Variants in ADORA2B observed in about 807,000 individuals in gnomAD.
ADORA2B encodes adenosine A2b receptor.
In ADORA2B, 18 loss-of-function variants were observed where a neutral mutation model predicts 20.8. The observed-to-expected ratio is 0.87, with a 90% CI of 0.60 to 1.29. The LOEUF (loss-of-function observed/expected upper bound fraction) is 1.29, where lower values mean the gene tolerates loss of function less well. ADORA2B is among the 50% of genes most tolerant of loss of function. The pLI is 0.00. For missense variants in ADORA2B, 441 were observed against 422.7 expected (o/e 1.04, Z -0.38); for synonymous variants, 179 against 178.3 (o/e 1.00, Z -0.03).
intron 1 of ADORA2B, among the ~76,000 whole-genome samples, chr17:15,964,865 T>C (rs569965593): frequency 6.6e-6 from 1 of 151,812 alleles, no homozygotes; most frequent in Non-Finnish European, 1.5e-5. Context: ...ATCGAGACCA[T>C]CCTGGCTAAC....
At chr17:15,921,161 A>G in the ADORA2B span, among the ~76,000 whole-genome samples, 2 of 144,072 alleles carry the variant, frequency 1.4e-5, no homozygotes, top group East Asian at 3.9e-4. Flanking sequence ...GTCATAGACA[A>G]TGGAAACCTG....
At chr17:15,938,022 A>G in the ADORA2B span, among the ~76,000 whole-genome samples, 1 of 152,116 alleles carries the variant, frequency 6.6e-6, no homozygotes, top group Non-Finnish European at 1.5e-5. Context: ...CTAAGCACAC[A>G]CACTTTTCCA....
At chr17:15,970,873 G>A (rs904742822) in intron 1 of ADORA2B, among the ~76,000 whole-genome samples, 3 of 152,074 alleles carry the variant, frequency 2.0e-5, no homozygotes, top group African/African-American at 7.2e-5. Flanking sequence ...CTACAGCTGA[G>A]GGCATCACAC....
rs370112721 is a variant in ADORA2B at position 15,946,296 on chromosome 17, C to T, written c.335+713C>T. Among the ~76,000 whole-genome samples, 12 of 152,354 alleles carry T rather than the reference C, an allele frequency of 7.9e-5. No homozygotes were observed. The South Asian group carries it at 1.4e-3, about 18-fold the overall frequency. ...CTGCCCTTGTGTAACTATTTATCTC[C>T]TGCTGCCCTGTTGGGAGCGGGCTGA... is the stretch of plus-strand genomic sequence containing the variant. On this transcript the variant is annotated intron_variant, in intron 1 of 1. Coordinates refer to ENST00000304222, the MANE Select transcript of ADORA2B (RefSeq NM_000676.4).
chr17:15,867,907 A>G, the ADORA2B span, among the ~76,000 whole-genome samples: 2 of 152,204 alleles, frequency 1.3e-5, no homozygotes, highest in South Asian at 2.1e-4. Flanking sequence ...CATGATGACA[A>G]TGGCGGTTTT....
the ADORA2B span, among the ~76,000 whole-genome samples, chr17:15,904,635 C>T: frequency 6.6e-6 from 1 of 152,174 alleles, no homozygotes; most frequent in Non-Finnish European, 1.5e-5. Context: ...CTCGGCCTCC[C>T]AAAGTGCTGG....
intron 1 of ADORA2B, among the ~76,000 whole-genome samples, chr17:15,953,024 A>G (rs980715003): frequency 2.0e-5 from 3 of 152,148 alleles, no homozygotes; most frequent in Non-Finnish European, 1.5e-5. Flanking sequence ...GCAGGCTTCC[A>G]CTCAGTCTAG....
At chr17:15,924,868 TTTC>T in the ADORA2B span, among the ~76,000 whole-genome samples, 8 of 151,884 alleles carry the variant, frequency 5.3e-5, no homozygotes, top group Non-Finnish European at 1.2e-4. Flanking sequence ...TCTTTCTTTC[TTTC>T]TTTTTTTTTT....
chr17:15,936,227 A>G, the ADORA2B span, among the ~76,000 whole-genome samples: 1 of 151,996 alleles, frequency 6.6e-6, no homozygotes, highest in Non-Finnish European at 1.5e-5. Context: ...TTGATTCTTC[A>G]TCATTTCCAT....
chr17:15,907,739 G>C, the ADORA2B span, among the ~76,000 whole-genome samples: 1 of 152,166 alleles, frequency 6.6e-6, no homozygotes, highest in Non-Finnish European at 1.5e-5. Flanking sequence ...ATTCGAAATT[G>C]GTTCAAGACT....
chr17:15,937,667 G>T, the ADORA2B span, among the ~76,000 whole-genome samples: 1 of 151,810 alleles, frequency 6.6e-6, no homozygotes, highest in East Asian at 1.9e-4. Flanking sequence ...CTACCTCCCA[G>T]GTTCAAGCGA....
At chr17:15,948,407 G>GGGGGGGGGGGGGGGGCC (rs56222691) in intron 1 of ADORA2B, among the ~76,000 whole-genome samples, 14 of 33,756 alleles carry the variant, frequency 4.1e-4, no homozygotes, top group East Asian at 1.4e-3. Flanking sequence ...GCGGCGGGGG[G>GGGGGGGGGGGGGGGGCC]CTCCAGTCCC....
At chr17:15,945,100 C>T (rs1010184066), upstream of ADORA2B, 7 of 640,380 alleles carry the variant, frequency 1.1e-5, no homozygotes, top group East Asian at 1.5e-4. Flanking sequence ...CCCGTGGGTC[C>T]CGGCCACCAG....
At chr17:15,914,046 C>T in the ADORA2B span, among the ~76,000 whole-genome samples, 2 of 152,328 alleles carry the variant, frequency 1.3e-5, no homozygotes, top group East Asian at 3.9e-4. Context: ...TAGCCAGGAA[C>T]AGGCACCTAG....
the ADORA2B span, among the ~76,000 whole-genome samples, chr17:15,870,255 G>T: frequency 2.1e-5 from 3 of 145,586 alleles, no homozygotes; most frequent in Admixed American, 6.9e-5. Flanking sequence ...AAGTAATTGC[G>T]TTTTTTCCCA....
the ADORA2B span, among the ~76,000 whole-genome samples, chr17:15,895,730 G>T: frequency 6.6e-6 from 1 of 152,100 alleles, no homozygotes; most frequent in Non-Finnish European, 1.5e-5. Context: ...TGTTGGAGAG[G>T]GCGGGCACAG....
chr17:15,960,630 G>C (rs940932530), intron 1 of ADORA2B, among the ~76,000 whole-genome samples: 20 of 150,176 alleles, frequency 1.3e-4, no homozygotes, highest in African/African-American at 4.9e-4. Flanking sequence ...TCAGCACTTT[G>C]GGAGGCGAAG....
chr17:15,903,624 G>A, the ADORA2B span, among the ~76,000 whole-genome samples: 1 of 152,066 alleles, frequency 6.6e-6, no homozygotes, highest in East Asian at 1.9e-4. Flanking sequence ...TCTCCCTGTG[G>A]GTTTTCAGTT....
the ADORA2B span, among the ~76,000 whole-genome samples, chr17:15,896,063 T>G: frequency 6.6e-6 from 1 of 152,166 alleles, no homozygotes; most frequent in Admixed American, 6.5e-5. Flanking sequence ...GAAAGTCTCT[T>G]ATGAGGAAAG....
Sources: allele counts gnomAD v4.1 joint callset (sites outside exome capture counted in the v4.1 genomes callset), GRCh38; gene constraint gnomAD v4.1.1; transcripts MANE v1.5; gene names NCBI Gene and HGNC (gene_info 2026-07-23, HGNC 2026-07-21).